CHD1: variants seen among roughly 807,000 people sequenced by gnomAD.
The protein encoded by CHD1 is chromodomain helicase DNA binding protein 1.
In CHD1, 36 loss-of-function variants were observed where a neutral mutation model predicts 224.2. The observed-to-expected ratio is 0.16, with a 90% CI of 0.12 to 0.21. CHD1 has a LOEUF of 0.21. CHD1 is among the 10% of genes least tolerant of loss of function. The pLI, the probability that CHD1 is intolerant of heterozygous loss-of-function variation, is 1.00. For missense variants in CHD1, 1,378 were observed against 1,994.8 expected, an observed-to-expected ratio of 0.69 and a Z score of 5.89; for synonymous variants, 668 against 658.3, an observed-to-expected ratio of 1.01 and a Z score of -0.23.
Position 98,855,875 on chromosome 5 carries a change from G to A in CHD1, c.*505C>T, listed in dbSNP as rs935916746. 1 of 152,024 alleles carries A rather than the reference G, an allele frequency of 6.6e-6. No individual in the cohort carries two copies. The highest frequency in any genetic ancestry group is 1.5e-5 in the Non-Finnish European group (1 of 68,118). 9.4% of individuals were successfully genotyped at this position (152,024 alleles called of 1,614,324 possible). Reference sequence around the variant, plus strand: ...GTACAGAATTTAAATATTCAAGCTTGTGATGAAAAGCGGCAAGGTGGTCGC... The same window carrying A: ...GTACAGAATTTAAATATTCAAGCTTATGATGAAAAGCGGCAAGGTGGTCGC... On this transcript the variant is annotated 3_prime_UTR_variant, in exon 36 of 36. Transcript: ENST00000614616.
chr5:98,875,960 G>A (rs933969497), intron 24 of CHD1, among the ~76,000 whole-genome samples: 1 of 151,950 alleles, frequency 6.6e-6, no homozygotes, highest in African/African-American at 2.4e-5. Context: ...ATTCCTACTT[G>A]AACATATCAG....
chr5:98,887,114 AT>A (rs1475339622), intron 17 of CHD1, among the ~76,000 whole-genome samples: 1 of 152,140 alleles, frequency 6.6e-6, no homozygotes, highest in Non-Finnish European at 1.5e-5. Flanking sequence ...AAACCACTGA[AT>A]TGTATACTTT....
In CHD1 at chr5:98,913,750, T is replaced by C. The variant is rs114078214; in HGVS notation, c.54-8652A>G. 5.4e-3 allele frequency among the ~76,000 whole-genome samples: 822 copies of C among 151,688 alleles called. 8 individuals carry two copies. Among genetic ancestry groups the C allele is most frequent in the Middle Eastern group, 0.01 (3 of 294 alleles). The stretch of plus-strand genomic sequence containing the variant: ...ATTAGTTGGTGCTATGTGCCAGATA[T>C]TAGGTTCTTATTTAATCCTTTTATT... On this transcript the variant is annotated intron_variant, in intron 2 of 35. Transcript: ENST00000614616.
In CHD1 at chr5:98,876,431, T is replaced by C. The variant is rs146805381; in HGVS notation, c.3365A>G (p.Asn1122Ser). The change falls in exon 24 of 36, where the codon AAT (asparagine) becomes AGT (serine). Residue 1122 changes from asparagine to serine, a missense_variant. By Grantham distance (46) the Asn-to-Ser change is conservative. Around this residue, in one of 16 missense-constraint regions of CHD1, gnomAD observed 286 missense variants for 445.1 expected, o/e 0.64. Coordinates refer to ENST00000614616, the MANE Select transcript of CHD1 (RefSeq NM_001270.4). ...RGRPRTIPRE[N>S]IKGFSDAEIR... ...TTCTGCATCACTAAATCCTTTAATA[T>C]TCTCCCGAGGAATAGTCCGTGGTCT... 3.0e-4 allele frequency: 485 copies of C among 1,614,060 alleles called. No homozygotes were observed. The highest frequency in any genetic ancestry group is 3.8e-4 in the Non-Finnish European group (453 of 1,179,936).
At chr5:98,883,030 C>CAA (rs367578795) in intron 19 of CHD1, 58 bp downstream of exon 19, 550 of 842,332 alleles carry the variant, frequency 6.5e-4, no homozygotes, top group Middle Eastern at 1.3e-3. Flanking sequence ...AAATCACTTC[C>CAA]AAAAAAAAAA....
chr5:98,896,906 A>C (rs1040892739), intron 11 of CHD1, among the ~76,000 whole-genome samples: 21 of 152,158 alleles, frequency 1.4e-4, no homozygotes, highest in Non-Finnish European at 2.5e-4. Context: ...ACTAGGAAAA[A>C]GAGAAATATT....
intron 22 of CHD1, 30 bp downstream of exon 22, chr5:98,881,046 A>T: frequency 1.6e-6 from 2 of 1,278,498 alleles, no homozygotes; most frequent in Non-Finnish European, 2.3e-6. Flanking sequence ...CAATTTATGT[A>T]ATTACAAGGA....
In CHD1 at chr5:98,894,697, A is replaced by G; in HGVS notation, c.1711-11T>C. 1 of 1,294,262 alleles carries G rather than the reference A, an allele frequency of 7.7e-7. No individual in the cohort carries two copies. The allele number at this position is 1,294,262 out of a possible 1,614,324, so 80.2% of individuals were successfully genotyped here. A position where few individuals can be genotyped will look rare whatever the true frequency, so the allele number is the denominator to read the frequency against. On this transcript the variant is annotated splice_polypyrimidine_tract_variant and intron_variant, in intron 12 of 35. Transcript: ENST00000614616. ...TTCATGAGTTCTTATCTATTAAGAA[A>G]TTTGAAGGACAATTTTTAAGACAAA... is the stretch of plus-strand genomic sequence containing the variant.
In CHD1 at chr5:98,917,299, C is replaced by CAAAAAAAAAAAAAAAAAAAAAAAAAAA. The variant is rs70984334; in HGVS notation, c.53+9034_53+9035insTTTTTTTTTTTTTTTTTTTTTTTTTTT. Among the ~76,000 whole-genome samples the CAAAAAAAAAAAAAAAAAAAAAAAAAAA allele has an allele frequency of 3.3e-4, 39 of 119,804 alleles. 1 individual carries two copies. Among genetic ancestry groups the CAAAAAAAAAAAAAAAAAAAAAAAAAAA allele is most frequent in the African/African-American group, 6.7e-4 (17 of 25,324 alleles). 78.6% of individuals were successfully genotyped at this position (119,804 alleles called of 152,430 possible). A position where few individuals can be genotyped will look rare whatever the true frequency, so the allele number is the denominator to read the frequency against. The stretch of plus-strand genomic sequence containing the variant: ...GCCCATCCCTCCAAAAACAAAGAAA[C>CAAAAAAAAAAAAAAAAAAAAAAAAAAA]AAAAAAAAAAAACAACCTCTTAATT... On this transcript the variant is annotated intron_variant, in intron 2 of 35. Coordinates refer to ENST00000614616, the MANE Select transcript of CHD1 (RefSeq NM_001270.4).
chr5:98,912,166 G>A (rs1752466513), intron 2 of CHD1, among the ~76,000 whole-genome samples: 1 of 152,044 alleles, frequency 6.6e-6, no homozygotes, highest in South Asian at 2.1e-4. Flanking sequence ...AATCTTCTTT[G>A]CAGGTAGTGA....
At chr5:98,894,716 A>G in intron 12 of CHD1, 30 bp from the exon 13 acceptor site, 1 of 1,010,106 alleles carries the variant, frequency 9.9e-7, no homozygotes, top group Non-Finnish European at 1.5e-6. Context: ...ACAATTTTTA[A>G]GACAAACATC....
At chr5:98,911,138 A>AT (rs1477381065) in intron 2 of CHD1, among the ~76,000 whole-genome samples, 1 of 84,178 alleles carries the variant, frequency 1.2e-5, no homozygotes, top group Non-Finnish European at 2.3e-5. Flanking sequence ...ATGAAAAAAA[A>AT]AAAAAAAAAT....
At chr5:98,866,799 T>C (rs937699263) in intron 31 of CHD1, among the ~76,000 whole-genome samples, 1 of 152,138 alleles carries the variant, frequency 6.6e-6, no homozygotes, top group Non-Finnish European at 1.5e-5. Flanking sequence ...TAAGGAAACA[T>C]TTCCTAGTCC....
chr5:98,927,194 A>C (rs1380570341), intron 1 of CHD1, among the ~76,000 whole-genome samples: 1 of 152,248 alleles, frequency 6.6e-6, no homozygotes, highest in Non-Finnish European at 1.5e-5. Flanking sequence ...TAGAATATAC[A>C]CTATATCTGA....
At position 98,858,992 on chromosome 5, in the gene CHD1, G is replaced by A. The variant is rs1580342781; in HGVS notation, c.4548C>T (p.Asn1516=). The A allele has an allele frequency of 4.5e-6, 7 of 1,567,448 alleles. No individual in the cohort carries two copies. The highest frequency in any genetic ancestry group is 6.0e-6 in the Non-Finnish European group (7 of 1,163,778). ...GATTTCTAATCACGTGAGGATTCAA[G>A]TTGCTGTTTTGATCACTGTTTTGCT... The part of the protein sequence containing the change: ...ESQQNSDQNS[N]LNPHVIRNPD... Residue 1516 remains asparagine, a synonymous_variant, in exon 34 of 36, where the codon AAC becomes AAT. Transcript: ENST00000614616.
At position 98,901,341 on chromosome 5, in the gene CHD1, G is replaced by A. The variant is rs1176298472; in HGVS notation, c.438-6C>T. ...CAGACATTTGCCAATCTTCACTGCA[G>A]ACAAAATTTATAAAGTATTTTTATT... On this transcript the variant is annotated splice_region_variant and splice_polypyrimidine_tract_variant and intron_variant, in intron 5 of 35. Transcript: ENST00000614616. The A allele has an allele frequency of 4.4e-6, 7 of 1,592,632 alleles. No individual in the cohort carries two copies. Among genetic ancestry groups the A allele is most frequent in the Non-Finnish European group, 6.0e-6 (7 of 1,174,006 alleles).
At chr5:98,861,698 A>T (rs1291350238) in intron 32 of CHD1, among the ~76,000 whole-genome samples, 1 of 147,524 alleles carries the variant, frequency 6.8e-6, no homozygotes. Context: ...TTTTTAGTAG[A>T]CCACCGTCTT....
intron 2 of CHD1, among the ~76,000 whole-genome samples, chr5:98,910,140 G>C (rs75129237): frequency 2.4e-4 from 36 of 152,184 alleles, no homozygotes; most frequent in Non-Finnish European, 4.1e-4. Context: ...TGTATTTTTA[G>C]AGAAACTACA....
chr5:98,890,037 C>A (rs920733322), intron 15 of CHD1, among the ~76,000 whole-genome samples: 1 of 152,162 alleles, frequency 6.6e-6, no homozygotes, highest in East Asian at 1.9e-4. Flanking sequence ...TGTAACAACA[C>A]TGTCGACTAC....
Sources: allele counts gnomAD v4.1 joint callset (sites outside exome capture counted in the v4.1 genomes callset), GRCh38; gene constraint gnomAD v4.1.1; regional missense constraint gnomAD v4.1.1; transcripts MANE v1.5; gene names NCBI Gene and HGNC (gene_info 2026-07-23, HGNC 2026-07-21).